Variants in MAGEB6B observed in about 807,000 individuals in gnomAD.
MAGEB6B encodes the protein MAGE family member B6B.
For synonymous variants in MAGEB6B, 107 were observed against 102.3 expected (o/e 1.05, Z -0.27); for missense variants, 277 against 251.5 (o/e 1.10, Z -0.69).
exon 1 of MAGEB6B, chrX:26,161,180 C>A (rs1317147783): frequency 1.3e-6 from 1 of 767,251 alleles, no homozygotes. Context: ...AGACGGAGAT[C>A]CTATAAAAAG....
At chrX:26,161,262 T>C in exon 1 of MAGEB6B, 1 of 687,037 alleles carries the variant, frequency 1.5e-6, no homozygotes, top group Non-Finnish European at 2.4e-6. Context: ...AAGGCAGACA[T>C]GCTGAAGCGT....
chrX:26,162,148 T>C (rs973926023), downstream of MAGEB6B, among the ~76,000 whole-genome samples: 5 of 112,162 alleles, frequency 4.5e-5, no homozygotes, highest in Non-Finnish European at 7.5e-5. Context: ...GTTTAATCAA[T>C]TTGAAAGTTA....
chrX:26,161,268 A>G, exon 1 of MAGEB6B: 1 of 675,936 alleles, frequency 1.5e-6, no homozygotes, highest in Non-Finnish European at 2.5e-6. Flanking sequence ...GACATGCTGA[A>G]GCGTCTCCGC....
At chrX:26,161,469 C>T in exon 1 of MAGEB6B, 2 of 1,177,552 alleles carry the variant, frequency 1.7e-6, no homozygotes, top group Non-Finnish European at 2.3e-6. Flanking sequence ...CTCCTGATGT[C>T]GATCCTGGGT....
chrX:26,161,068 G>C (rs769173154), exon 1 of MAGEB6B: 4 of 1,115,503 alleles, frequency 3.6e-6, no homozygotes, highest in Non-Finnish European at 4.9e-6. Flanking sequence ...CCACTGGCTC[G>C]CCTGATGCAG....
chrX:26,161,068 G>A (rs769173154), exon 1 of MAGEB6B: 8 of 1,115,498 alleles, frequency 7.2e-6, no homozygotes, highest in Non-Finnish European at 1.2e-6. Context: ...CCACTGGCTC[G>A]CCTGATGCAG....
exon 1 of MAGEB6B, chrX:26,161,085 C>T (rs779810327): frequency 1.8e-6 from 2 of 1,117,413 alleles, no homozygotes; most frequent in Non-Finnish European, 2.5e-6. Flanking sequence ...GCAGATGTTT[C>T]AGGCTCAAAA....
At chrX:26,161,840 G>A (rs766613863), downstream of MAGEB6B, 12 of 1,191,652 alleles carry the variant, frequency 1.0e-5, no homozygotes, top group Middle Eastern at 2.3e-4. Flanking sequence ...GGCTGGCACT[G>A]TTCCCTTGGC....
In MAGEB6B at chrX:26,160,879, TCC is replaced by T; in HGVS notation, c.280_281del (p.Pro94Ter). 1 of 604,854 alleles carries T rather than the reference TCC, an allele frequency of 1.7e-6. No homozygotes were observed. The highest frequency in any genetic ancestry group is 2.9e-6 in the Non-Finnish European group (1 of 341,648). 49.8% of individuals were successfully genotyped at this position (604,854 alleles called of 1,213,427 possible). The stretch of plus-strand genomic sequence containing the variant: ...CTGCCATGGGTCAAGATGAGAAAAG[TCC>T]TAGTACCTCCCGTGATGCCTCCGTT... On this transcript the variant is annotated frameshift_variant, in exon 1 of 1. Transcript: ENST00000416929. LOFTEE classifies it low-confidence loss of function (END_TRUNC).
At chrX:26,161,838 C>A (rs1332281252), downstream of MAGEB6B, 1 of 1,196,581 alleles carries the variant, frequency 8.4e-7, no homozygotes, top group Admixed American at 2.2e-5. Flanking sequence ...AGGGCTGGCA[C>A]TGTTCCCTTG....
exon 1 of MAGEB6B, chrX:26,161,324 G>C (rs745365301): frequency 3.2e-5 from 21 of 646,935 alleles, no homozygotes; most frequent in East Asian, 1.3e-4. Flanking sequence ...GAGAACCTCC[G>C]AACATTTGAC....
chrX:26,160,749 G>T (rs372251353), exon 1 of MAGEB6B: 55 of 576,138 alleles, frequency 9.5e-5, no homozygotes, highest in South Asian at 4.2e-4. Context: ...GTTTGTCAGG[G>T]TGCTCGTCGT....
chrX:26,161,395 C>T (rs1928688388), exon 1 of MAGEB6B: 1 of 810,446 alleles, frequency 1.2e-6, no homozygotes, highest in Non-Finnish European at 1.9e-6. Context: ...ACACCCTTGT[C>T]AGCAAGCTGG....
chrX:26,160,634 C>T (rs1314821018), exon 1 of MAGEB6B: 7 of 569,512 alleles, frequency 1.2e-5, no homozygotes, highest in Non-Finnish European at 2.3e-5. Context: ...GCTCCGTGCC[C>T]GTGGGAAACG....
chrX:26,161,314 G>C (rs770506744), exon 1 of MAGEB6B: 4 of 641,857 alleles, frequency 6.2e-6, no homozygotes, highest in East Asian at 3.2e-5. Flanking sequence ...AGATCCTCAA[G>C]AGAACCTCCG....
At chrX:26,160,969 A>C (rs1238794102) in exon 1 of MAGEB6B, 3 of 679,459 alleles carry the variant, frequency 4.4e-6, no homozygotes, top group Non-Finnish European at 7.3e-6. Context: ...CATGCTCAAA[A>C]TCTGATGAGG....
chrX:26,162,042 C>T (rs1928698029), downstream of MAGEB6B, among the ~76,000 whole-genome samples: 1 of 112,161 alleles, frequency 8.9e-6, no homozygotes, highest in South Asian at 3.7e-4. Context: ...TATGTTTTAC[C>T]TCCTTGTCAA....
chrX:26,162,284 T>C (rs914119263), downstream of MAGEB6B, among the ~76,000 whole-genome samples: 2 of 112,331 alleles, frequency 1.8e-5, no homozygotes, highest in Non-Finnish European at 3.8e-5. Flanking sequence ...AGTAAAATAG[T>C]TGACATCATA....
downstream of MAGEB6B, chrX:26,161,882 T>C (rs1353123939): frequency 9.2e-7 from 1 of 1,089,303 alleles, no homozygotes; most frequent in Non-Finnish European, 1.2e-6. Context: ...ATCCTACAGA[T>C]CCTCCCATTT....
Sources: allele counts gnomAD v4.1 joint callset (sites outside exome capture counted in the v4.1 genomes callset), GRCh38; gene constraint gnomAD v4.1.1; transcripts MANE v1.5; gene names NCBI Gene and HGNC (gene_info 2026-07-23, HGNC 2026-07-21).